The following MYOF variants were observed in gnomAD, a reference collection of about 807,000 sequenced individuals.
MYOF encodes myoferlin.
Under a neutral mutation model 284.2 loss-of-function variants are expected in MYOF, and 244 were observed. The ratio of observed to expected loss-of-function variants is 0.86; its 90% confidence interval spans 0.77 to 0.95. The LOEUF (loss-of-function observed/expected upper bound fraction) is 0.95. MYOF is among the 40% of genes least tolerant of loss of function. The pLI is 0.00. For synonymous variants in MYOF, 904 were observed against 919.7 expected, an observed-to-expected ratio of 0.98 and a Z score of 0.31; for missense variants, 2,496 against 2,560.6, an observed-to-expected ratio of 0.97 and a Z score of 0.54.
chr10:93,361,230 G>A (rs1845055939), intron 28 of MYOF, among the ~76,000 whole-genome samples: 1 of 152,196 alleles, frequency 6.6e-6, no homozygotes, highest in Non-Finnish European at 1.5e-5. Context: ...GATCTGACAG[G>A]AGGCAGAGCT....
At chr10:93,352,979 G>T (rs1844593174) in intron 32 of MYOF, among the ~76,000 whole-genome samples, 1 of 152,162 alleles carries the variant, frequency 6.6e-6, no homozygotes, top group Admixed American at 6.5e-5. Flanking sequence ...CTTCAAAATT[G>T]ATGTGAGCAC....
chr10:93,451,197 G>T (rs2056580163), intron 3 of MYOF, among the ~76,000 whole-genome samples: 1 of 152,110 alleles, frequency 6.6e-6, no homozygotes, highest in Non-Finnish European at 1.5e-5. Context: ...AAAGTTAGCT[G>T]GGCGTGGTGG....
At chr10:93,369,838 T>G in intron 24 of MYOF, 62 bp from the exon 25 acceptor site, 1 of 1,592,412 alleles carries the variant, frequency 6.3e-7, no homozygotes, top group Non-Finnish European at 8.6e-7. Flanking sequence ...TGACATTAAG[T>G]TAAAGCCAAA....
chr10:93,389,238 G>A (rs1846555119), intron 17 of MYOF, 84 bp from the exon 18 acceptor site: 2 of 1,434,300 alleles, frequency 1.4e-6, no homozygotes, highest in Non-Finnish European at 9.2e-7. Context: ...TTAGTTAGGT[G>A]AGACTATTTT....
At position 93,471,609 on chromosome 10, in the gene MYOF, CG is replaced by C. The variant is rs2057147128; in HGVS notation, c.88+10497del. 2.6e-5 allele frequency among the ~76,000 whole-genome samples: 4 copies of C among 152,282 alleles called. No individual in the cohort carries two copies. The South Asian group carries it at 8.3e-4, about 32-fold the overall frequency. ...CTACTTCCTAAAAACGAAATGAAGG[CG>C]GGGCGTGGTGCCTCACGCCTGTAAT... On this transcript the variant is annotated intron_variant, in intron 1 of 53. Transcript: ENST00000359263.
intron 1 of MYOF, among the ~76,000 whole-genome samples, chr10:93,478,836 A>AGAAAGAAAGAAAGAAAGAAAG (rs200937397): frequency 4.6e-4 from 27 of 58,912 alleles, no homozygotes; most frequent in South Asian, 6.7e-4. Context: ...AAAAAAAAAA[A>AGAAAGAAAGAAAGAAAGAAAG]AAAAAAAGAA....
intron 4 of MYOF, among the ~76,000 whole-genome samples, chr10:93,427,349 A>G (rs1227829472): frequency 4.0e-5 from 6 of 151,736 alleles, no homozygotes; most frequent in African/African-American, 1.4e-4. Flanking sequence ...TGGCCAACAC[A>G]GTAAAACCCC....
rs1844768442 is a variant in MYOF at position 93,355,727 on chromosome 10, T to G, written c.3304A>C (p.Thr1102Pro). The G allele has an allele frequency of 6.2e-7, 1 of 1,612,368 alleles. No homozygotes were observed. Residue 1102 changes from threonine to proline, a missense_variant, in exon 31 of 54, where the codon ACT becomes CCT. By Grantham distance (38) the Thr-to-Pro change is conservative (BLOSUM62 -1). Around this residue, in one of 3 missense-constraint regions of MYOF, gnomAD observed 2,436 missense variants for 2,480.7 expected, o/e 0.98. Coordinates refer to ENST00000359263, the MANE Select transcript of MYOF (RefSeq NM_013451.4). Reference protein sequence around the residue: ...FKLEGALGADTTEDGDEKSLE... With the variant: ...FKLEGALGADPTEDGDEKSLE... ...CTCTTCTCATCCCCATCTTCGGTAG[T>G]GTCTGCCCCCTGAAGTCAATTAACA...
At chr10:93,462,717 C>T (rs1390265287) in intron 1 of MYOF, among the ~76,000 whole-genome samples, 3 of 150,922 alleles carry the variant, frequency 2.0e-5, no homozygotes, top group African/African-American at 7.3e-5. Context: ...AAAACCTATT[C>T]TCACACATAA....
chr10:93,365,473 A>G (rs1329294562), intron 26 of MYOF, among the ~76,000 whole-genome samples: 1 of 152,196 alleles, frequency 6.6e-6, no homozygotes, highest in Non-Finnish European at 1.5e-5. Context: ...AAATTCATCC[A>G]CTTACAGTAT....
intron 12 of MYOF, among the ~76,000 whole-genome samples, chr10:93,401,100 A>G (rs1847271844): frequency 6.6e-6 from 1 of 152,214 alleles, no homozygotes; most frequent in Non-Finnish European, 1.5e-5. Context: ...TTGGGATAAA[A>G]GGGGTTGGAA....
chr10:93,471,598 C>T (rs772875237), intron 1 of MYOF, among the ~76,000 whole-genome samples: 4 of 152,112 alleles, frequency 2.6e-5, no homozygotes, highest in Admixed American at 1.3e-4. Flanking sequence ...TTCCTAAAAA[C>T]GAAATGAAGG....
intron 17 of MYOF, among the ~76,000 whole-genome samples, chr10:93,392,456 A>T (rs997709685): frequency 6.6e-6 from 1 of 152,200 alleles, no homozygotes; most frequent in Admixed American, 6.5e-5. Flanking sequence ...AAACCAAAGA[A>T]TGTGTTATGA....
At chr10:93,395,521 C>T (rs901573351) in intron 16 of MYOF, among the ~76,000 whole-genome samples, 2 of 152,098 alleles carry the variant, frequency 1.3e-5, no homozygotes, top group Admixed American at 6.5e-5. Context: ...TCCTTCATTC[C>T]CTGTTACAAT....
In MYOF at chr10:93,325,735, T is replaced by C. The variant is rs1037706145; in HGVS notation, c.5271+91A>G. The C allele has an allele frequency of 1.1e-5, 16 of 1,421,496 alleles. No homozygotes were observed. In the African/African-American group the frequency reaches 1.7e-4, roughly 15 times the overall value. The allele number at this position is 1,421,496 out of a possible 1,614,324, so 88.1% of individuals were successfully genotyped here. On this transcript the variant is annotated intron_variant, in intron 46 of 53. Coordinates refer to ENST00000359263, the MANE Select transcript of MYOF (RefSeq NM_013451.4). ...TTCTATTTCTGTGCATCTCAAAGTA[T>C]TCAAAGAAGATAAAAGGCGCAAAAA...
intron 3 of MYOF, among the ~76,000 whole-genome samples, chr10:93,451,054 T>C (rs940504458): frequency 2.6e-5 from 4 of 152,108 alleles, no homozygotes; most frequent in Admixed American, 2.6e-4. Flanking sequence ...TAAGTATTAG[T>C]ATCAGCTGGG....
chr10:93,338,051 A>C, intron 39 of MYOF, 138 bp from the exon 40 acceptor site: 1 of 677,400 alleles, frequency 1.5e-6, no homozygotes, highest in South Asian at 1.8e-5. Flanking sequence ...ACTTTTGTTT[A>C]CATGCACAAT....
chr10:93,419,325 G>T (rs1402482676), intron 5 of MYOF, among the ~76,000 whole-genome samples: 2 of 152,046 alleles, frequency 1.3e-5, no homozygotes, highest in Non-Finnish European at 2.9e-5. Flanking sequence ...ACCACGCCCG[G>T]CTAATTTTTA....
chr10:93,366,741 T>C (rs558569281), intron 25 of MYOF, among the ~76,000 whole-genome samples, 186 bp from the exon 26 acceptor site: 4 of 152,344 alleles, frequency 2.6e-5, no homozygotes, highest in African/African-American at 9.6e-5. Flanking sequence ...GATAAATCAT[T>C]CAACTTTCTA....
Sources: gnomAD v4.1 joint callset for allele counts (sites outside exome capture counted in the v4.1 genomes callset) on GRCh38, gnomAD v4.1.1 for gene constraint, gnomAD v4.1.1 regional missense constraint, MANE v1.5 for transcripts, NCBI Gene and HGNC (gene_info 2026-07-23, HGNC 2026-07-21) for gene names.